SH3PXD2A: variants seen among roughly 807,000 people sequenced by gnomAD.
SH3PXD2A encodes the protein SH3 and PX domain-containing protein 2A.
SH3PXD2A carries 32 observed loss-of-function variants against 115.2 expected under a neutral mutation model. The observed-to-expected ratio is 0.28, with a 90% CI of 0.21 to 0.37. The LOEUF (loss-of-function observed/expected upper bound fraction) is 0.37, where lower values mean the gene tolerates loss of function less well. Among genes scored for constraint, SH3PXD2A ranks in the 10% least tolerant of loss-of-function variants. The pLI is 1.00. For synonymous variants in SH3PXD2A, 610 were observed against 629.1 expected, an observed-to-expected ratio of 0.97 and a Z score of 0.45; for missense variants, 1,328 against 1,498.7, an observed-to-expected ratio of 0.89 and a Z score of 1.88.
rs543381794 is a variant in SH3PXD2A at position 103,813,348 on chromosome 10, G to A, written c.73-11986C>T. Among the ~76,000 whole-genome samples the A allele has an allele frequency of 6.6e-5, 10 of 152,148 alleles. No homozygotes were observed. In the South Asian group the frequency reaches 1.2e-3, roughly 19 times the overall value. On this transcript the variant is annotated intron_variant, in intron 1 of 14. Transcript: ENST00000369774. ...TTTTTCTTTTTAGAGACAGAGTCTC[G>A]CTCTCTTGCCCAGGCTGGAGTGCAG...
At chr10:103,762,471 G>A (rs1338093545) in intron 3 of SH3PXD2A, among the ~76,000 whole-genome samples, 1 of 152,156 alleles carries the variant, frequency 6.6e-6, no homozygotes, top group African/African-American at 2.4e-5. Context: ...GGGGTTTGGA[G>A]GCATAGGCCT....
intron 1 of SH3PXD2A, among the ~76,000 whole-genome samples, chr10:103,813,208 T>G: frequency 6.6e-6 from 1 of 152,332 alleles, no homozygotes; most frequent in Non-Finnish European, 1.5e-5. Context: ...TGTGTGTCTA[T>G]GCACATTAAA....
rs763927827 is a variant in SH3PXD2A at position 103,738,795 on chromosome 10, C to CT, written c.230-2988dup. Among the ~76,000 whole-genome samples, 1,095 of 146,362 alleles carry CT rather than the reference C, an allele frequency of 7.5e-3. 16 individuals carry two copies. The highest frequency in any genetic ancestry group is 0.021 in the African/African-American group (849 of 40,192). On this transcript the variant is annotated intron_variant, in intron 3 of 14. Transcript: ENST00000369774. ...CTGTCCTAGTTGCAGACAGAACTCT[C>CT]TTTTTTTTTTTTTCCCGAGACGGAG...
Position 103,612,968 on chromosome 10 carries a change from G to T in SH3PXD2A, c.1143C>A (p.Pro381=). Residue 381 remains proline (P), a synonymous_variant, in exon 12 of 15, where the codon CCC becomes CCA. Coordinates refer to ENST00000369774, the MANE Select transcript of SH3PXD2A (RefSeq NM_001394015.1). The part of the protein sequence containing the change: ...APIAKKEISL[P]ILCNASNGSA... ...TGCCATTGGAGGCATTGCAGAGGAT[G>T]GGCAGGCTGATCTCCTTCTTGGCAA... is the stretch of plus-strand genomic sequence containing the variant. 3 of 1,614,216 alleles carry T rather than the reference G, an allele frequency of 1.9e-6. No homozygotes were observed. The highest frequency in any genetic ancestry group is 2.5e-6 in the Non-Finnish European group (3 of 1,180,018).
chr10:103,775,208 C>CAAAG (rs1427231377), intron 2 of SH3PXD2A, among the ~76,000 whole-genome samples: 4 of 152,212 alleles, frequency 2.6e-5, no homozygotes, highest in African/African-American at 9.7e-5. Context: ...AGTTCCTTAA[C>CAAAG]AAGTCAAAGA....
chr10:103,767,388 C>G (rs2038765152), intron 2 of SH3PXD2A, among the ~76,000 whole-genome samples: 1 of 152,188 alleles, frequency 6.6e-6, no homozygotes, highest in South Asian at 2.1e-4. Context: ...TGATCAATCT[C>G]AGTGAGCGGG....
At chr10:103,641,362 G>A (rs1008182378) in intron 8 of SH3PXD2A, among the ~76,000 whole-genome samples, 2 of 152,166 alleles carry the variant, frequency 1.3e-5, no homozygotes, top group Non-Finnish European at 2.9e-5. Context: ...CATGTGTTCA[G>A]TATGTCTTGG....
chr10:103,849,225 G>A (rs56699930), intron 1 of SH3PXD2A, among the ~76,000 whole-genome samples: 1 of 152,052 alleles, frequency 6.6e-6, no homozygotes, highest in African/African-American at 2.4e-5. Flanking sequence ...GGGTGTCAGA[G>A]ACCAGGGTGA....
chr10:103,851,885 AT>A (rs1842900298), intron 1 of SH3PXD2A, among the ~76,000 whole-genome samples: 1 of 152,196 alleles, frequency 6.6e-6, no homozygotes, highest in South Asian at 2.1e-4. Context: ...AATAGATACA[AT>A]TTCTTGTTTG....
At chr10:103,810,891 TACAC>T (rs60746464) in intron 1 of SH3PXD2A, among the ~76,000 whole-genome samples, 83,743 of 145,684 alleles carry the variant, frequency 0.57, 24,703 homozygotes, top group South Asian at 0.7. Flanking sequence ...CAGGGACACA[TACAC>T]ACAGAAACAT....
At position 103,614,217 on chromosome 10, in the gene SH3PXD2A, T is replaced by C. The variant is rs575891133; in HGVS notation, c.921-1027A>G. On this transcript the variant is annotated intron_variant, in intron 11 of 14. Transcript: ENST00000369774. ...CTGCAGTGAGCTATGATCATACCAC[T>C]GCACTCCACTCTGGGAGACAGAGTG... 2.2e-3 allele frequency among the ~76,000 whole-genome samples: 334 copies of C among 152,110 alleles called. 1 individual carries two copies. The highest frequency in any genetic ancestry group is 3.5e-3 in the Admixed American group (54 of 15,290).
chr10:103,806,360 G>A lies in SH3PXD2A; in HGVS notation c.73-4998C>T, dbSNP rs563275171. On this transcript the variant is annotated intron_variant, in intron 1 of 14. Transcript: ENST00000369774. ...GACATCCTAGATTATCACTCCAGGC[G>A]GGTGATGGACACACAAAATTCCACC... Among the ~76,000 whole-genome samples, 39 of 151,654 alleles carry A rather than the reference G, an allele frequency of 2.6e-4. No individual in the cohort carries two copies. The South Asian group carries it at 5.0e-3, about 20-fold the overall frequency.
intron 4 of SH3PXD2A, among the ~76,000 whole-genome samples, chr10:103,732,397 C>A (rs948101865): frequency 1.3e-5 from 2 of 152,224 alleles, no homozygotes; most frequent in Non-Finnish European, 2.9e-5. Context: ...GCCTTTGGAA[C>A]CCCTCTTCAT....
chr10:103,641,201 CT>C (rs2036950565), intron 8 of SH3PXD2A, among the ~76,000 whole-genome samples: 1 of 152,202 alleles, frequency 6.6e-6, no homozygotes, highest in Admixed American at 6.5e-5. Flanking sequence ...TTAAAATTTA[CT>C]GTTCAAACTT....
intron 6 of SH3PXD2A, among the ~76,000 whole-genome samples, chr10:103,685,103 C>T (rs2037660346): frequency 6.6e-6 from 1 of 152,116 alleles, no homozygotes; most frequent in African/African-American, 2.4e-5. Flanking sequence ...TTTGGGAGGC[C>T]AAGGTGGGTG....
chr10:103,759,334 G>A (rs1378275170), intron 3 of SH3PXD2A, among the ~76,000 whole-genome samples: 1 of 152,224 alleles, frequency 6.6e-6, no homozygotes, highest in East Asian at 1.9e-4. Flanking sequence ...AAGGCTGTCT[G>A]CAGGCTGGCA....
intron 3 of SH3PXD2A, among the ~76,000 whole-genome samples, chr10:103,766,063 C>T (rs8181413): frequency 0.11 from 17,176 of 152,260 alleles, 1,198 homozygotes; most frequent in East Asian, 0.17. Context: ...TCTTTCGCTG[C>T]TTTTGAGGAT....
chr10:103,661,523 A>AGGGGCATCGGGGAGGGCGGC, intron 7 of SH3PXD2A: 1 of 397,962 alleles, frequency 2.5e-6, no homozygotes, highest in South Asian at 1.0e-4. Flanking sequence ...TCGGGCCGGC[A>AGGGGCATCGGGGAGGGCGGC]GGGGCATCGG....
At chr10:103,701,695 C>T (rs991183076) in intron 5 of SH3PXD2A, among the ~76,000 whole-genome samples, 2 of 136,318 alleles carry the variant, frequency 1.5e-5, no homozygotes, top group East Asian at 2.3e-4. Flanking sequence ...ATCATTCATC[C>T]AGCCATCCAT....
Sources: gnomAD v4.1 joint callset for allele counts (sites outside exome capture counted in the v4.1 genomes callset) on GRCh38, gnomAD v4.1.1 for gene constraint, MANE v1.5 for transcripts, NCBI Gene and HGNC (gene_info 2026-07-23, HGNC 2026-07-21) for gene names.